TCF7L2: variants seen among roughly 807,000 people sequenced by gnomAD.
TCF7L2 encodes transcription factor 7-like 2.
A neutral mutation model predicts 77.9 loss-of-function variants in TCF7L2; 23 were observed. The ratio of observed to expected loss-of-function variants is 0.30; its 90% CI spans 0.21 to 0.42. The LOEUF (loss-of-function observed/expected upper bound fraction) is 0.42, where lower values mean the gene tolerates loss of function less well. TCF7L2 is among the 10% of genes least tolerant of loss of function. The pLI, the probability that TCF7L2 is intolerant of heterozygous loss-of-function variation, is 1.00. For missense variants in TCF7L2, 654 were observed against 793.1 expected (o/e 0.82, Z 2.11); for synonymous variants, 413 against 340.2 (o/e 1.21, Z -2.36).
intron 8 of TCF7L2, among the ~76,000 whole-genome samples, chr10:113,147,749 G>T (rs1319750275): frequency 6.6e-6 from 1 of 152,074 alleles, no homozygotes; most frequent in East Asian, 1.9e-4. Flanking sequence ...TTGTTTATTT[G>T]GTGCGTTCTG....
intron 5 of TCF7L2, among the ~76,000 whole-genome samples, chr10:113,076,518 G>C (rs2058718565): frequency 1.3e-5 from 2 of 152,118 alleles, no homozygotes; most frequent in African/African-American, 4.8e-5. Flanking sequence ...ATTATTATTT[G>C]TTTTAAGTTA....
In TCF7L2 at chr10:112,950,358, C is replaced by T. The variant is rs1216805991; in HGVS notation, c.-399C>T. 2 of 258,318 alleles carry T rather than the reference C, an allele frequency of 7.7e-6. No homozygotes were observed. Among genetic ancestry groups the T allele is most frequent in the African/African-American group, 4.4e-5 (2 of 44,988 alleles). The allele number at this position is 258,318 out of a possible 1,614,324, so 16.0% of individuals were successfully genotyped here. A position where few individuals can be genotyped will look rare whatever the true frequency, so the allele number is the denominator to read the frequency against. On this transcript the variant is annotated 5_prime_UTR_variant, in exon 1 of 14. Transcript: ENST00000627217. ...TGAAAAGCTCTCAGTCTAACTTCAA[C>T]TCACTCAAATCCGAGCGGCACGAGC...
chr10:113,100,807 G>A (rs1042743555), intron 5 of TCF7L2, among the ~76,000 whole-genome samples: 15 of 152,210 alleles, frequency 9.9e-5, no homozygotes, highest in Admixed American at 9.8e-4. Flanking sequence ...TGGGCGTGGT[G>A]GCTCACGCCT....
At chr10:113,067,170 T>C (rs968316410) in intron 5 of TCF7L2, among the ~76,000 whole-genome samples, 7 of 152,250 alleles carry the variant, frequency 4.6e-5, no homozygotes, top group Admixed American at 3.3e-4. Flanking sequence ...TAACATATTA[T>C]GTGAATTGGA....
At chr10:112,999,769 A>G (rs896516162) in intron 4 of TCF7L2, among the ~76,000 whole-genome samples, 11 of 152,204 alleles carry the variant, frequency 7.2e-5, no homozygotes, top group African/African-American at 2.2e-4. Context: ...GGAGACCCCA[A>G]ATAACTTGTA....
At chr10:113,148,425 TGA>T (rs944284452) in intron 8 of TCF7L2, among the ~76,000 whole-genome samples, 5 of 151,694 alleles carry the variant, frequency 3.3e-5, no homozygotes, top group African/African-American at 1.2e-4. Flanking sequence ...AGGGGGAAAA[TGA>T]GAGAATAATG....
intron 4 of TCF7L2, among the ~76,000 whole-genome samples, chr10:113,002,320 C>G (rs139296487): frequency 6.6e-6 from 1 of 151,968 alleles, no homozygotes; most frequent in Non-Finnish European, 1.5e-5. Flanking sequence ...TTGTTTAGGT[C>G]GGCGGTTTTC....
At chr10:113,111,583 G>A (rs1591826906) in intron 5 of TCF7L2, among the ~76,000 whole-genome samples, 1 of 152,152 alleles carries the variant, frequency 6.6e-6, no homozygotes, top group Non-Finnish European at 1.5e-5. Context: ...CTTGAGCCCA[G>A]GAGTTTGAGA....
intron 5 of TCF7L2, among the ~76,000 whole-genome samples, chr10:113,138,327 A>G (rs1484967248): frequency 6.6e-6 from 1 of 150,400 alleles, no homozygotes; most frequent in Admixed American, 6.7e-5. Flanking sequence ...GGTGTGCAAA[A>G]TAATACTGGG....
rs926874705 is a variant in TCF7L2 at position 113,167,352 on chromosome 10, TA to T, written c.*1388del. On this transcript the variant is annotated 3_prime_UTR_variant, in exon 14 of 14. Coordinates refer to ENST00000627217, the MANE Select transcript of TCF7L2 (RefSeq NM_001146274.2). Reference sequence around the variant, plus strand: ...ACGAGTAGGCAGCAGACTTTAAAAATAAAAAAAACCTAGGCATGTTGATGTT... The same window carrying T: ...ACGAGTAGGCAGCAGACTTTAAAAATAAAAAAACCTAGGCATGTTGATGTT... The T allele has an allele frequency of 5.7e-5, 13 of 226,284 alleles. No homozygotes were observed. The highest frequency in any genetic ancestry group is 2.2e-4 in the African/African-American group (10 of 45,026). 14.0% of individuals were successfully genotyped at this position (226,284 alleles called of 1,614,324 possible).
At chr10:113,125,019 T>A (rs2065353788) in intron 5 of TCF7L2, among the ~76,000 whole-genome samples, 1 of 152,148 alleles carries the variant, frequency 6.6e-6, no homozygotes, top group Non-Finnish European at 1.5e-5. Flanking sequence ...TCTGTAAATG[T>A]AATGGTTCAT....
At chr10:113,038,843 A>G (rs941624665) in intron 4 of TCF7L2, among the ~76,000 whole-genome samples, 1 of 152,168 alleles carries the variant, frequency 6.6e-6, no homozygotes, top group Non-Finnish European at 1.5e-5. Context: ...AGTGCTTGTC[A>G]CAGCCTGTAC....
At chr10:113,129,629 GA>G in intron 5 of TCF7L2, 1 of 1,174,082 alleles carries the variant, frequency 8.5e-7, no homozygotes, top group Non-Finnish European at 1.1e-6. Context: ...TAGGCAATAT[GA>G]GCGACAACTT....
chr10:113,122,601 A>G lies in TCF7L2; in HGVS notation c.553-18583A>G, dbSNP rs916166755. On this transcript the variant is annotated intron_variant, in intron 5 of 13. Coordinates refer to ENST00000627217, the MANE Select transcript of TCF7L2 (RefSeq NM_001146274.2). ...TTTGTGACTATCAGGAAGAAATTGT[A>G]TGCAGGAATAAAGATTTTGTACTGG... Among the ~76,000 whole-genome samples, 5 of 152,372 alleles carry G rather than the reference A, an allele frequency of 3.3e-5. No individual in the cohort carries two copies. The East Asian group carries it at 9.6e-4, about 29-fold the overall frequency.
chr10:113,049,184 G>A (rs370325017), intron 5 of TCF7L2, among the ~76,000 whole-genome samples: 1 of 151,840 alleles, frequency 6.6e-6, no homozygotes, highest in Admixed American at 6.6e-5. Flanking sequence ...CCTCATCTCC[G>A]CTGCCCCCCC....
At chr10:113,150,479 T>G (rs1002218827) in intron 8 of TCF7L2, among the ~76,000 whole-genome samples, 3 of 152,050 alleles carry the variant, frequency 2.0e-5, no homozygotes, top group Admixed American at 6.5e-5. Context: ...AAAAGAAAAA[T>G]AAAAATTGTA....
intron 5 of TCF7L2, among the ~76,000 whole-genome samples, chr10:113,140,526 G>T (rs1227475748): frequency 6.6e-6 from 1 of 152,170 alleles, no homozygotes; most frequent in Non-Finnish European, 1.5e-5. Flanking sequence ...ATGAATCAGG[G>T]CTGCTGTAAT....
At chr10:113,066,364 T>C (rs1184035184) in intron 5 of TCF7L2, among the ~76,000 whole-genome samples, 1 of 146,610 alleles carries the variant, frequency 6.8e-6, no homozygotes, top group African/African-American at 2.6e-5. Context: ...AAAGTCCGTC[T>C]CAAAAAAAAA....
intron 5 of TCF7L2, among the ~76,000 whole-genome samples, chr10:113,084,903 C>G (rs1027608850): frequency 6.7e-6 from 1 of 148,778 alleles, no homozygotes; most frequent in Non-Finnish European, 1.5e-5. Flanking sequence ...CTCAAGCCAC[C>G]CCCCCCCAAA....
Sources: allele counts gnomAD v4.1 joint callset (sites outside exome capture counted in the v4.1 genomes callset), GRCh38; gene constraint gnomAD v4.1.1; transcripts MANE v1.5; gene names NCBI Gene and HGNC (gene_info 2026-07-23, HGNC 2026-07-21).